Variants in MAP4K4 observed in about 807,000 individuals in gnomAD.
The protein encoded by MAP4K4 is mitogen-activated protein kinase kinase kinase kinase 4.
MAP4K4 carries 38 observed loss-of-function variants against 189.6 expected under a neutral mutation model. The observed-to-expected ratio is 0.20, with a 90% CI of 0.15 to 0.26. The LOEUF (loss-of-function observed/expected upper bound fraction) is 0.26, where lower values mean the gene tolerates loss of function less well. Among genes scored for constraint, MAP4K4 ranks in the 10% least tolerant of loss-of-function variants. The pLI, the probability that MAP4K4 is intolerant of heterozygous loss-of-function variation, is 1.00. For missense variants in MAP4K4, 1,054 were observed against 1,726.9 expected (o/e 0.61, Z 6.91); for synonymous variants, 610 against 624.3 (o/e 0.98, Z 0.34).
intron 2 of MAP4K4, among the ~76,000 whole-genome samples, chr2:101,718,640 G>A (rs2049962670): frequency 6.6e-6 from 1 of 150,614 alleles, no homozygotes; most frequent in Admixed American, 6.6e-5. Flanking sequence ...TGGGTTAAGG[G>A]TGGGATTGAG....
chr2:101,751,997 G>C (rs1391419961), intron 2 of MAP4K4, among the ~76,000 whole-genome samples: 1 of 152,160 alleles, frequency 6.6e-6, no homozygotes, highest in Non-Finnish European at 1.5e-5. Flanking sequence ...TGAGCATTCT[G>C]ATCCTCATAG....
Position 101,811,798 on chromosome 2 carries a change from T to A in MAP4K4, c.181-12130T>A, listed in dbSNP as rs531156915. On this transcript the variant is annotated intron_variant, in intron 3 of 32. Coordinates refer to ENST00000324219, the Ensembl canonical transcript of MAP4K4. ...CAAGGAAAGTGGCATGGCAACTTAC[T>A]GACCTTCATTTTTTTGGGTAACAGC... 3.9e-5 allele frequency among the ~76,000 whole-genome samples: 6 copies of A among 151,956 alleles called. No individual in the cohort carries two copies. In the South Asian group the frequency reaches 8.3e-4, roughly 21 times the overall value.
chr2:101,831,309 T>C (rs1435048875), intron 6 of MAP4K4, among the ~76,000 whole-genome samples: 3 of 152,224 alleles, frequency 2.0e-5, no homozygotes, highest in Non-Finnish European at 2.9e-5. Context: ...ATTCTTATCT[T>C]TATGGTTATT....
chr2:101,814,809 AATAATAC>A (rs1399169589), intron 3 of MAP4K4, among the ~76,000 whole-genome samples: 2 of 152,208 alleles, frequency 1.3e-5, no homozygotes, highest in African/African-American at 2.4e-5. Context: ...AACATATGAA[AATAATAC>A]ATAAGCAGGA....
At chr2:101,704,521 ATGTGTG>A (rs36106185) in intron 2 of MAP4K4, among the ~76,000 whole-genome samples, 11,532 of 55,704 alleles carry the variant, frequency 0.21, 1,789 homozygotes, top group South Asian at 0.23. Flanking sequence ...CCAATATTTT[ATGTGTG>A]TGTGTGTGTG....
At chr2:101,721,319 T>C (rs1210633414) in intron 2 of MAP4K4, among the ~76,000 whole-genome samples, 1 of 152,068 alleles carries the variant, frequency 6.6e-6, no homozygotes, top group Non-Finnish European at 1.5e-5. Context: ...TGAAAAACCA[T>C]TTCCAAAGAG....
At chr2:101,857,971 A>G (rs1051591632) in intron 13 of MAP4K4, among the ~76,000 whole-genome samples, 3 of 152,300 alleles carry the variant, frequency 2.0e-5, no homozygotes, top group Admixed American at 6.5e-5. Context: ...TTCTTAGTCT[A>G]TTCCTCTTCT....
intron 2 of MAP4K4, among the ~76,000 whole-genome samples, chr2:101,714,289 T>C (rs1287134135): frequency 6.6e-6 from 1 of 151,574 alleles, no homozygotes; most frequent in Non-Finnish European, 1.5e-5. Flanking sequence ...GCAACCTGTT[T>C]AGAATAAATT....
chr2:101,838,074 T>C (rs1291779687), intron 9 of MAP4K4, among the ~76,000 whole-genome samples: 1 of 152,240 alleles, frequency 6.6e-6, no homozygotes, highest in African/African-American at 2.4e-5. Flanking sequence ...GAGAAATAGC[T>C]TTCAAAAGAT....
intron 10 of MAP4K4, among the ~76,000 whole-genome samples, chr2:101,841,838 C>T (rs972465166): frequency 6.6e-6 from 1 of 152,082 alleles, no homozygotes; most frequent in African/African-American, 2.4e-5. Context: ...ATCTCTTCAA[C>T]CTGTCTGGTT....
At chr2:101,732,911 GGTGGATTTGGAAAGAT>G (rs1296132171) in intron 2 of MAP4K4, among the ~76,000 whole-genome samples, 1 of 152,212 alleles carries the variant, frequency 6.6e-6, no homozygotes, top group Non-Finnish European at 1.5e-5. Context: ...TTTAAGTGCC[GGTGGATTTGGAAAGAT>G]GGATATGTAG....
At chr2:101,851,719 G>A (rs554972481) in intron 12 of MAP4K4, among the ~76,000 whole-genome samples, 150 of 107,430 alleles carry the variant, frequency 1.4e-3, no homozygotes, top group Middle Eastern at 0.015. Flanking sequence ...GTTGGTAACT[G>A]TCCTCTTTTT....
intron 20 of MAP4K4, 195 bp downstream of exon 20, chr2:101,867,504 C>T: frequency 1.8e-6 from 1 of 547,838 alleles, no homozygotes; most frequent in Admixed American, 3.3e-5. Context: ...TGTATAAAGT[C>T]TCAAGTGAGT....
chr2:101,831,008 A>G (rs957180671), intron 6 of MAP4K4, among the ~76,000 whole-genome samples: 1 of 152,098 alleles, frequency 6.6e-6, no homozygotes, highest in Non-Finnish European at 1.5e-5. Context: ...GGGCTCCTCC[A>G]CCTTTGCAGG....
chr2:101,777,182 A>G (rs1008438399), intron 2 of MAP4K4, among the ~76,000 whole-genome samples: 4 of 152,220 alleles, frequency 2.6e-5, no homozygotes, highest in African/African-American at 9.6e-5. Context: ...AGCATTTTTA[A>G]GCGAAAGCCT....
exon 33 of MAP4K4, chr2:101,892,845 A>T (rs763291123): frequency 2.6e-5 from 12 of 455,274 alleles, no homozygotes; most frequent in South Asian, 1.7e-4. Context: ...AGCTCCCGTA[A>T]GGATATTACC....
At chr2:101,847,407 C>A (rs1334040689) in intron 12 of MAP4K4, among the ~76,000 whole-genome samples, 1 of 152,166 alleles carries the variant, frequency 6.6e-6, no homozygotes, top group African/African-American at 2.4e-5. Context: ...GCATTGTGAT[C>A]ATAGGAGATG....
intron 11 of MAP4K4, 120 bp from the exon 12 acceptor site, chr2:101,843,981 C>A: frequency 1.5e-6 from 1 of 655,402 alleles, no homozygotes; most frequent in Non-Finnish European, 2.7e-6. Flanking sequence ...AGTTGTCTCC[C>A]TGGAGTCAGA....
chr2:101,889,772 C>G (rs1559356581), intron 32 of MAP4K4, among the ~76,000 whole-genome samples: 1 of 152,108 alleles, frequency 6.6e-6, no homozygotes, highest in African/African-American at 2.4e-5. Context: ...AGCAGTCAGC[C>G]CAGTTCTCAG....
Sources: allele counts gnomAD v4.1 joint callset (sites outside exome capture counted in the v4.1 genomes callset), GRCh38; gene constraint gnomAD v4.1.1; transcripts MANE v1.5; gene names NCBI Gene and HGNC (gene_info 2026-07-23, HGNC 2026-07-21).